The following AMPH variants were observed in gnomAD, a reference collection of about 807,000 sequenced individuals.
AMPH encodes the protein amphiphysin (Stiff-Mann syndrome with breast cancer 128kD autoantigen).
A neutral mutation model predicts 99.1 loss-of-function variants in AMPH; 49 were observed. The observed-to-expected ratio is 0.49, with a 90% CI of 0.39 to 0.63. AMPH has a LOEUF of 0.63. Among genes scored for constraint, AMPH ranks in the 20% least tolerant of loss-of-function variants. The pLI is 0.00. For synonymous variants in AMPH, 314 were observed against 317.3 expected (o/e 0.99, Z 0.11); for missense variants, 759 against 863.4 (o/e 0.88, Z 1.52).
chr7:38,542,278 T>C (rs1257775680), intron 1 of AMPH, among the ~76,000 whole-genome samples: 1 of 152,226 alleles, frequency 6.6e-6, no homozygotes. Flanking sequence ...TGCTAAAGCC[T>C]GTGAGTCATC....
intron 1 of AMPH, among the ~76,000 whole-genome samples, chr7:38,618,532 A>C (rs1793951665): frequency 6.6e-6 from 1 of 152,194 alleles, no homozygotes; most frequent in South Asian, 2.1e-4. Flanking sequence ...AGTTGCATAA[A>C]GCAATTACTA....
rs547983563 is a variant in AMPH at position 38,450,610 on chromosome 7, CAAA to C, written c.1017+10670_1017+10672del. Among the ~76,000 whole-genome samples the C allele has an allele frequency of 1.2e-4, 19 of 152,302 alleles. No homozygotes were observed. The East Asian group carries it at 3.5e-3, about 28-fold the overall frequency. On this transcript the variant is annotated intron_variant, in intron 11 of 20. Coordinates refer to ENST00000356264, the MANE Select transcript of AMPH (RefSeq NM_001635.4). ...TCTGGAACTCTAGGGCTCCTATCCACAAAGGTGTTGTGAGCATGAAGATGGGGC... is the reference window on the plus strand; with the variant it reads ...TCTGGAACTCTAGGGCTCCTATCCACGGTGTTGTGAGCATGAAGATGGGGC...
At chr7:38,574,085 A>T (rs765903963) in intron 1 of AMPH, among the ~76,000 whole-genome samples, 23 of 152,344 alleles carry the variant, frequency 1.5e-4, no homozygotes, top group Middle Eastern at 3.4e-3. Context: ...TATAAGGCAA[A>T]GGTGTAAAAT....
chr7:38,431,892 C>T (rs1247505904), intron 13 of AMPH, among the ~76,000 whole-genome samples: 1 of 152,094 alleles, frequency 6.6e-6, no homozygotes, highest in East Asian at 1.9e-4. Flanking sequence ...TTCACTGCAA[C>T]AGCTCCTTTT....
chr7:38,455,046 G>C (rs1272926590), intron 11 of AMPH, among the ~76,000 whole-genome samples: 1 of 151,996 alleles, frequency 6.6e-6, no homozygotes, highest in African/African-American at 2.4e-5. Context: ...TAGTGGTCAT[G>C]TCAGAGTGGT....
At chr7:38,385,321 T>A (rs1407473084) in intron 20 of AMPH, among the ~76,000 whole-genome samples, 1 of 152,182 alleles carries the variant, frequency 6.6e-6, no homozygotes, top group Non-Finnish European at 1.5e-5. Flanking sequence ...CACAAGAGCA[T>A]GACCTGTTCT....
chr7:38,397,623 T>A (rs1037148469), intron 17 of AMPH, among the ~76,000 whole-genome samples: 4 of 152,130 alleles, frequency 2.6e-5, no homozygotes, highest in African/African-American at 9.7e-5. Context: ...TTGAGTAATA[T>A]CCCAAAAGCA....
At chr7:38,602,062 C>T (rs1584292784) in intron 1 of AMPH, among the ~76,000 whole-genome samples, 1 of 152,330 alleles carries the variant, frequency 6.6e-6, no homozygotes, top group South Asian at 2.1e-4. Context: ...TCAACCTGGT[C>T]ATCTCACCCT....
intron 1 of AMPH, among the ~76,000 whole-genome samples, chr7:38,590,814 A>G (rs1429151300): frequency 6.6e-6 from 1 of 152,184 alleles, no homozygotes; most frequent in Non-Finnish European, 1.5e-5. Context: ...TAAGTGGGAT[A>G]ACTCAAAAGG....
chr7:38,550,453 A>G (rs1339542164), intron 1 of AMPH, among the ~76,000 whole-genome samples: 1 of 152,226 alleles, frequency 6.6e-6, no homozygotes, highest in African/African-American at 2.4e-5. Context: ...CAGATAATCA[A>G]ATTGAAGCTG....
At chr7:38,576,623 G>C (rs1445268480) in intron 1 of AMPH, among the ~76,000 whole-genome samples, 1 of 152,096 alleles carries the variant, frequency 6.6e-6, no homozygotes, top group Admixed American at 6.6e-5. Context: ...GAATATAGGA[G>C]ATAAAGGCAA....
At chr7:38,501,035 T>C (rs1315708535) in intron 3 of AMPH, among the ~76,000 whole-genome samples, 2 of 152,214 alleles carry the variant, frequency 1.3e-5, no homozygotes, top group African/African-American at 4.8e-5. Context: ...GTGAAACCAA[T>C]GCCTTACCAT....
At chr7:38,613,435 C>G (rs13437692) in intron 1 of AMPH, among the ~76,000 whole-genome samples, 3 of 152,068 alleles carry the variant, frequency 2.0e-5, no homozygotes, top group African/African-American at 4.8e-5. Flanking sequence ...GCCTTCCAAC[C>G]AATTAGACTA....
intron 5 of AMPH, among the ~76,000 whole-genome samples, chr7:38,482,303 G>T (rs1186877661): frequency 6.6e-6 from 1 of 152,062 alleles, no homozygotes; most frequent in African/African-American, 2.4e-5. Flanking sequence ...TACCTTCAGG[G>T]CATCCAGCAA....
chr7:38,448,718 A>G (rs1227877091), intron 11 of AMPH, among the ~76,000 whole-genome samples: 2 of 152,224 alleles, frequency 1.3e-5, no homozygotes, highest in East Asian at 1.9e-4. Flanking sequence ...AATTAAAAGG[A>G]TAGTATAATG....
chr7:38,588,802 C>T (rs926425898), intron 1 of AMPH, among the ~76,000 whole-genome samples: 4 of 152,134 alleles, frequency 2.6e-5, no homozygotes, highest in Admixed American at 2.6e-4. Context: ...TCCAAACTAT[C>T]ATTATAAAGA....
intron 2 of AMPH, among the ~76,000 whole-genome samples, chr7:38,522,497 G>A (rs904535611): frequency 1.3e-5 from 2 of 152,200 alleles, no homozygotes; most frequent in African/African-American, 4.8e-5. Context: ...CATGGTGCAA[G>A]GAGTGAGGGC....
chr7:38,464,617 G>A (rs914970416), intron 9 of AMPH, among the ~76,000 whole-genome samples: 2 of 152,074 alleles, frequency 1.3e-5, no homozygotes, highest in Non-Finnish European at 2.9e-5. Context: ...AGAATGTCAG[G>A]ACTGTATATT....
chr7:38,394,025 G>C lies in AMPH; in HGVS notation c.1588C>G (p.Leu530Val). The C allele has an allele frequency of 6.2e-7, 1 of 1,614,174 alleles. No homozygotes were observed. Among genetic ancestry groups the C allele is most frequent in the East Asian group, 2.2e-5 (1 of 44,870 alleles). ...CTCACCTGAGGCACTGTTGCTTCGA[G>C]CTCCTCTGCTTCAGGTTGGGCACTC... ...AESAQPEAEE[L>V]EATVPQEKVI... is the part of the protein sequence containing the mutation. The change falls in exon 18 of 21, where the codon CTC becomes GTC. Residue 530 changes from leucine to valine, a missense_variant. Around this residue, in one of 2 missense-constraint regions of AMPH, gnomAD observed 554 missense variants for 575.6 expected, o/e 0.96. Coordinates refer to ENST00000356264, the MANE Select transcript of AMPH (RefSeq NM_001635.4).
Sources: gnomAD v4.1 joint callset for allele counts (sites outside exome capture counted in the v4.1 genomes callset) on GRCh38, gnomAD v4.1.1 for gene constraint, gnomAD v4.1.1 regional missense constraint, MANE v1.5 for transcripts, NCBI Gene and HGNC (gene_info 2026-07-23, HGNC 2026-07-21) for gene names.